Variants in DPYD observed in about 807,000 individuals in gnomAD.
DPYD encodes the protein dihydropyrimidine dehydrogenase, also known as dihydropyrimidine dehydrogenase [NADP(+)].
Under a neutral mutation model 116.2 loss-of-function variants are expected in DPYD, and 109 were observed. The observed-to-expected ratio is 0.94, with a 90% CI of 0.80 to 1.10. DPYD has a LOEUF of 1.10. DPYD is among the 50% of genes least tolerant of loss of function. The pLI is 0.00. For synonymous variants in DPYD, 440 were observed against 432.0 expected (o/e 1.02, Z -0.23); for missense variants, 1,302 against 1,254.5 (o/e 1.04, Z -0.57).
intron 18 of DPYD, among the ~76,000 whole-genome samples, chr1:97,286,483 G>A (rs1381325626): frequency 2.0e-5 from 3 of 151,996 alleles, no homozygotes; most frequent in Admixed American, 6.5e-5. Context: ...CTAGATTGGG[G>A]AAGTTCTCCT....
At chr1:97,383,489 G>A (rs6690403) in intron 14 of DPYD, among the ~76,000 whole-genome samples, 25,509 of 144,090 alleles carry the variant, frequency 0.18, 2,519 homozygotes, top group South Asian at 0.34. Flanking sequence ...AAAAAAAAAA[G>A]AAAAAAAGAA....
At chr1:97,665,727 A>G (rs1210289482) in intron 8 of DPYD, among the ~76,000 whole-genome samples, 1 of 152,220 alleles carries the variant, frequency 6.6e-6, no homozygotes, top group South Asian at 2.1e-4. Context: ...GGTTTTTAAC[A>G]AATTTTGCTA....
At chr1:97,085,972 T>G (rs1649483630) in intron 21 of DPYD, among the ~76,000 whole-genome samples, 1 of 152,216 alleles carries the variant, frequency 6.6e-6, no homozygotes, top group African/African-American at 2.4e-5. Flanking sequence ...GAATGGATGT[T>G]GCAAAGTACT....
At chr1:97,174,274 T>C (rs935584980) in intron 20 of DPYD, among the ~76,000 whole-genome samples, 1 of 152,128 alleles carries the variant, frequency 6.6e-6, no homozygotes, top group Non-Finnish European at 1.5e-5. Flanking sequence ...CACTGGCTGA[T>C]CCTACAAAGC....
intron 2 of DPYD, among the ~76,000 whole-genome samples, chr1:97,864,215 A>G (rs1043168470): frequency 6.6e-6 from 1 of 151,994 alleles, no homozygotes; most frequent in Non-Finnish European, 1.5e-5. Context: ...TAGGCACTTA[A>G]TAAGCCCTCA....
intron 1 of DPYD, among the ~76,000 whole-genome samples, chr1:97,907,032 A>T (rs547464908): frequency 6.6e-6 from 1 of 152,250 alleles, no homozygotes; most frequent in African/African-American, 2.4e-5. Context: ...CATGGTTACT[A>T]AGTGACTAGC....
intron 20 of DPYD, among the ~76,000 whole-genome samples, chr1:97,098,991 G>C (rs1650469878): frequency 6.6e-6 from 1 of 152,016 alleles, no homozygotes; most frequent in Non-Finnish European, 1.5e-5. Flanking sequence ...ATAGACAGAA[G>C]GTGAAACCTA....
At chr1:97,818,609 T>C (rs1170061721) in intron 3 of DPYD, among the ~76,000 whole-genome samples, 1 of 152,016 alleles carries the variant, frequency 6.6e-6, no homozygotes, top group Non-Finnish European at 1.5e-5. Context: ...ATTGTTTTCT[T>C]CTATTTCCCC....
chr1:97,819,296 A>G (rs1668795901), intron 3 of DPYD, among the ~76,000 whole-genome samples: 1 of 151,990 alleles, frequency 6.6e-6, no homozygotes, highest in Non-Finnish European at 1.5e-5. Flanking sequence ...AAACTTGGAA[A>G]AACATAATTA....
intron 4 of DPYD, among the ~76,000 whole-genome samples, chr1:97,735,688 A>T (rs1391259608): frequency 2.7e-5 from 1 of 36,738 alleles, no homozygotes; most frequent in Non-Finnish European, 7.0e-5. Flanking sequence ...ACTCTGTCAT[A>T]AATAAATAAA....
intron 13 of DPYD, among the ~76,000 whole-genome samples, chr1:97,457,632 C>G (rs942660852): frequency 3.3e-5 from 5 of 152,154 alleles, no homozygotes; most frequent in Non-Finnish European, 5.9e-5. Context: ...TTCACCAACT[C>G]ACTAGGCTTC....
intron 20 of DPYD, among the ~76,000 whole-genome samples, chr1:97,162,663 G>A (rs1489013135): frequency 3.3e-5 from 5 of 150,964 alleles, no homozygotes; most frequent in South Asian, 2.1e-4. Context: ...AAAAGAGCCC[G>A]CATCACCAAG....
At chr1:97,840,224 A>G (rs1669970351) in intron 2 of DPYD, among the ~76,000 whole-genome samples, 1 of 152,072 alleles carries the variant, frequency 6.6e-6, no homozygotes, top group African/African-American at 2.4e-5. Flanking sequence ...AAAATTATAA[A>G]GTGTTTTTTT....
intron 20 of DPYD, among the ~76,000 whole-genome samples, chr1:97,143,375 G>C (rs977569002): frequency 2.0e-5 from 3 of 152,058 alleles, no homozygotes; most frequent in African/African-American, 7.2e-5. Context: ...TGACCACTCA[G>C]AGCAAATTAT....
chr1:97,840,170 G>A (rs903819795), intron 2 of DPYD, among the ~76,000 whole-genome samples: 62 of 152,120 alleles, frequency 4.1e-4, no homozygotes, highest in African/African-American at 1.4e-3. Flanking sequence ...AGAGGAAAAT[G>A]TATAGCATCA....
rs115701981 is a variant in DPYD, at chr1:97,472,222, T to C, written c.1741-21999A>G. Among the ~76,000 whole-genome samples, 398 of 152,324 alleles carry C rather than the reference T, an allele frequency of 2.6e-3. 1 individual carries two copies. Among genetic ancestry groups the C allele is most frequent in the African/African-American group, 8.9e-3 (371 of 41,570 alleles). On this transcript the variant is annotated intron_variant, in intron 13 of 22. Transcript: ENST00000370192. ...CATCCAAAGCTATTTAAAGAGGCAA[T>C]TGCCAGTCTCTGAAGAGTTCCTCTT...
chr1:97,692,066 G>A (rs1661036655), intron 6 of DPYD, among the ~76,000 whole-genome samples: 2 of 151,644 alleles, frequency 1.3e-5, no homozygotes, highest in Admixed American at 1.3e-4. Flanking sequence ...CTGGCCAAAA[G>A]CAATTTCAAT....
chr1:97,205,366 G>A lies in DPYD; in HGVS notation c.2443-12118C>T, dbSNP rs183788495. ...CTGGCAACCACTGATCTTTTTTACT[G>A]TCTCCATAGTTTTGCCTTTTCCAAT... On this transcript the variant is annotated intron_variant, in intron 19 of 22. Coordinates refer to ENST00000370192, the MANE Select transcript of DPYD (RefSeq NM_000110.4). Among the ~76,000 whole-genome samples the A allele has an allele frequency of 8.0e-5, 12 of 149,566 alleles. No individual in the cohort carries two copies. The East Asian group carries it at 2.4e-3, about 30-fold the overall frequency.
intron 1 of DPYD, among the ~76,000 whole-genome samples, chr1:97,892,089 A>G (rs1162269684): frequency 6.6e-6 from 1 of 151,228 alleles, no homozygotes; most frequent in Non-Finnish European, 1.5e-5. Flanking sequence ...AAGTAAACAA[A>G]TAATAATAAT....
Sources: gnomAD v4.1 joint callset for allele counts (sites outside exome capture counted in the v4.1 genomes callset) on GRCh38, gnomAD v4.1.1 for gene constraint, MANE v1.5 for transcripts, NCBI Gene and HGNC (gene_info 2026-07-23, HGNC 2026-07-21) for gene names.